The following THSD7A variants were observed in gnomAD, a reference collection of about 807,000 sequenced individuals.
The protein encoded by THSD7A is thrombospondin type-1 domain-containing protein 7A.
In THSD7A, 96 loss-of-function variants were observed where a neutral mutation model predicts 231.3. That is an observed-to-expected ratio of 0.41 (90% CI 0.35 to 0.49). The LOEUF is 0.49. Ranked by LOEUF, THSD7A falls within the 20% of genes least tolerant of loss-of-function variation. The pLI, the probability that THSD7A is intolerant of heterozygous loss-of-function variation, is 0.05. For missense variants in THSD7A, 2,290 were observed against 2,070.2 expected, an observed-to-expected ratio of 1.11 and a Z score of -2.06; for synonymous variants, 940 against 743.3, an observed-to-expected ratio of 1.26 and a Z score of -4.30.
chr7:11,675,152 G>A (rs890213846), intron 1 of THSD7A, among the ~76,000 whole-genome samples: 3 of 152,028 alleles, frequency 2.0e-5, no homozygotes, highest in South Asian at 2.1e-4. Context: ...CCTCACCCAG[G>A]AAGTGCAAGG....
chr7:11,545,943 G>C (rs1187449456), intron 4 of THSD7A, among the ~76,000 whole-genome samples: 1 of 152,150 alleles, frequency 6.6e-6, no homozygotes, highest in Non-Finnish European at 1.5e-5. Flanking sequence ...CACAAGCCCA[G>C]TCTGATCTCA....
intron 11 of THSD7A, among the ~76,000 whole-genome samples, chr7:11,451,435 T>G (rs1349600092): frequency 1.3e-5 from 2 of 151,970 alleles, no homozygotes; most frequent in Non-Finnish European, 2.9e-5. Flanking sequence ...CCAGCAAAAT[T>G]CTTTTTAAGT....
At chr7:11,542,326 C>G (rs1453940328) in intron 5 of THSD7A, among the ~76,000 whole-genome samples, 1 of 152,182 alleles carries the variant, frequency 6.6e-6, no homozygotes. Context: ...ACTAGAATCA[C>G]TAGAAGACTG....
intron 6 of THSD7A, among the ~76,000 whole-genome samples, chr7:11,515,560 T>C: frequency 6.6e-6 from 1 of 152,278 alleles, no homozygotes; most frequent in Non-Finnish European, 1.5e-5. Flanking sequence ...CTACTGATTA[T>C]GAAAATAACT....
intron 1 of THSD7A, among the ~76,000 whole-genome samples, chr7:11,678,384 CA>C (rs1169693443): frequency 2.0e-5 from 3 of 151,748 alleles, no homozygotes; most frequent in African/African-American, 2.4e-5. Flanking sequence ...AAAAACCCTT[CA>C]AAAAAATCAG....
chr7:11,513,149 G>T (rs1184817043), intron 6 of THSD7A, among the ~76,000 whole-genome samples: 1 of 151,204 alleles, frequency 6.6e-6, no homozygotes, highest in African/African-American at 2.4e-5. Flanking sequence ...GGACTTTGGG[G>T]ACTTGGGGGG....
chr7:11,474,570 T>G lies in THSD7A; in HGVS notation c.2018-2A>C. The G allele has an allele frequency of 6.3e-7, 1 of 1,584,462 alleles. No individual in the cohort carries two copies. ...TGCTATTTGGACAGCGAATTCCACC[T>G]AAAAACATGGACAATGATAGCAAAT... is the stretch of plus-strand genomic sequence containing the variant. On this transcript the variant is annotated splice_acceptor_variant, in intron 7 of 27. Coordinates refer to ENST00000423059, the MANE Select transcript of THSD7A (RefSeq NM_015204.3). LOFTEE classifies it high-confidence loss of function. The surrounding 1 kb of genome is among the most constrained non-coding windows in gnomAD (Gnocchi z 4.1).
At chr7:11,774,504 ACACAC>A (rs1783337140) in intron 1 of THSD7A, among the ~76,000 whole-genome samples, 1 of 151,470 alleles carries the variant, frequency 6.6e-6, no homozygotes, top group Non-Finnish European at 1.5e-5. Context: ...ACACACACAC[ACACAC>A]ACACACACAC....
At chr7:11,502,310 C>T (rs1787368983) in intron 6 of THSD7A, among the ~76,000 whole-genome samples, 1 of 152,034 alleles carries the variant, frequency 6.6e-6, no homozygotes, top group Non-Finnish European at 1.5e-5. Context: ...ATCTTGACAC[C>T]CAAACATGGC....
At chr7:11,679,800 T>G (rs1205482149) in intron 1 of THSD7A, among the ~76,000 whole-genome samples, 2 of 151,984 alleles carry the variant, frequency 1.3e-5, no homozygotes, top group Non-Finnish European at 2.9e-5. Flanking sequence ...AATGCTATCC[T>G]GATCAAGTTA....
intron 1 of THSD7A, among the ~76,000 whole-genome samples, chr7:11,652,851 T>G (rs1371863828): frequency 6.6e-6 from 1 of 151,992 alleles, no homozygotes; most frequent in East Asian, 1.9e-4. Flanking sequence ...TTCCTATAAT[T>G]GATAAAAGTC....
intron 2 of THSD7A, among the ~76,000 whole-genome samples, chr7:11,635,360 C>G (rs1243048310): frequency 6.6e-6 from 1 of 152,088 alleles, no homozygotes; most frequent in African/African-American, 2.4e-5. Flanking sequence ...TCTGGTTTAT[C>G]CAAGAGCAAA....
rs191593921 is a variant in THSD7A at position 11,401,926 on chromosome 7, T to A, written c.4280A>T (p.Gln1427Leu). ...ATCCTCACCATTCACACAGGTCAGC[T>A]GACACAGGCTCCAGGAAGACCAGTC... The part of the protein sequence containing the change: ...LKDWSSWSLC[Q>L]LTCVNGEDLG... Residue 1427 changes from glutamine (Q) to leucine (L), a missense_variant, in exon 23 of 28, where the codon CAG becomes CTG. Gln to Leu is a moderately radical substitution (Grantham distance 113, BLOSUM62 -2). Coordinates refer to ENST00000423059, the MANE Select transcript of THSD7A (RefSeq NM_015204.3). 75 of 1,613,746 alleles carry A rather than the reference T, an allele frequency of 4.6e-5. 2 individuals carry two copies. The African/African-American group carries it at 9.1e-4, about 20-fold the overall frequency.
chr7:11,563,881 A>G (rs1048184207), intron 4 of THSD7A, among the ~76,000 whole-genome samples: 2 of 152,138 alleles, frequency 1.3e-5, no homozygotes, highest in African/African-American at 4.8e-5. Context: ...GCACGTGTTC[A>G]TGCTTGCTGC....
At chr7:11,445,405 G>A (rs1052154209) in intron 13 of THSD7A, among the ~76,000 whole-genome samples, 2 of 151,932 alleles carry the variant, frequency 1.3e-5, no homozygotes, top group African/African-American at 2.4e-5. Flanking sequence ...ACAATCTTTT[G>A]GCAACACAAT....
chr7:11,576,788 C>A (rs1790927816), intron 4 of THSD7A, among the ~76,000 whole-genome samples: 3 of 152,156 alleles, frequency 2.0e-5, no homozygotes, highest in Admixed American at 1.3e-4. Flanking sequence ...TTACATTATA[C>A]TTTTCCCTTC....
Position 11,831,784 on chromosome 7 carries a change from C to T in THSD7A, c.163G>A (p.Ala55Thr), listed in dbSNP as rs758608763. Residue 55 changes from alanine to threonine, a missense_variant, in exon 1 of 28, where the codon GCG becomes ACG. Physicochemically the swap from Ala to Thr is moderately conservative, Grantham distance 58. Transcript: ENST00000423059. This position sits in a 1 kb window ranked among gnomAD's most constrained non-coding sequence, Gnocchi z 5.0. Reference sequence around the variant, plus strand: ...GTCTTCCACAGATAGAGGGTGGGCGCCTCCGCCTCGCCCTGCGCCGCAGCC... The same window carrying T: ...GTCTTCCACAGATAGAGGGTGGGCGTCTCCGCCTCGCCCTGCGCCGCAGCC... ...GRAAAQGEAE[A>T]PTLYLWKTGP... 24 of 1,480,044 alleles carry T rather than the reference C, an allele frequency of 1.6e-5. No individual in the cohort carries two copies. In the South Asian group the frequency reaches 2.9e-4, roughly 18 times the overall value. 91.7% of individuals were successfully genotyped at this position (1,480,044 alleles called of 1,614,324 possible).
intron 1 of THSD7A, among the ~76,000 whole-genome samples, chr7:11,661,343 G>A (rs1284171686): frequency 6.6e-6 from 1 of 151,070 alleles, no homozygotes; most frequent in Non-Finnish European, 1.5e-5. Context: ...TCAAATTCAG[G>A]CAAAATTGCT....
At chr7:11,419,194 CA>C (rs1255437060) in intron 16 of THSD7A, among the ~76,000 whole-genome samples, 1 of 152,118 alleles carries the variant, frequency 6.6e-6, no homozygotes, top group Non-Finnish European at 1.5e-5. Flanking sequence ...TCTTTATTTT[CA>C]AAGATTTCTC....
Sources: allele counts gnomAD v4.1 joint callset (sites outside exome capture counted in the v4.1 genomes callset), GRCh38; gene constraint gnomAD v4.1.1; non-coding constraint Gnocchi (gnomAD v3.1); transcripts MANE v1.5; gene names NCBI Gene and HGNC (gene_info 2026-07-23, HGNC 2026-07-21).